The following WDTC1 variants were observed in gnomAD, a reference collection of about 807,000 sequenced individuals.
WDTC1 encodes the protein WD and tetratricopeptide repeats protein 1.
WDTC1 carries 12 observed loss-of-function variants against 76.0 expected under a neutral mutation model. The ratio of observed to expected loss-of-function variants is 0.16; its 90% CI spans 0.10 to 0.26. WDTC1 has a LOEUF of 0.26. Among genes scored for constraint, WDTC1 ranks in the 10% least tolerant of loss-of-function variants. WDTC1 has a pLI of 1.00. For synonymous variants in WDTC1, 326 were observed against 350.8 expected (o/e 0.93, Z 0.79); for missense variants, 511 against 908.8 (o/e 0.56, Z 5.63).
chr1:27,303,481 C>G lies in WDTC1; in HGVS notation c.1469-140C>G, dbSNP rs184548367. 9.2e-7 allele frequency: 1 copy of G among 1,086,024 alleles called. No homozygotes were observed. Among genetic ancestry groups the G allele is most frequent in the East Asian group, 3.1e-5 (1 of 32,656 alleles). The allele number at this position is 1,086,024 out of a possible 1,614,324, so 67.3% of individuals were successfully genotyped here. ...AGATGCATCTTCCTCACAACCTTTC[C>G]CCAGTTTTCCAGGATAAGGGTGGAG... On this transcript the variant is annotated intron_variant, in intron 13 of 15. Transcript: ENST00000319394. The surrounding 1 kb of genome is among the most constrained non-coding windows in gnomAD (Gnocchi z 4.8).
At chr1:27,273,129 T>C (rs1167845140) in intron 3 of WDTC1, among the ~76,000 whole-genome samples, 1 of 151,374 alleles carries the variant, frequency 6.6e-6, no homozygotes, top group Non-Finnish European at 1.5e-5. Flanking sequence ...AATTTCAGTG[T>C]CATAGGAAAC....
chr1:27,301,492 ACTCTTT>A lies in WDTC1; in HGVS notation c.1468+38_1468+43del. On this transcript the variant is annotated intron_variant, in intron 13 of 15. Transcript: ENST00000319394. This position sits in a 1 kb window ranked among gnomAD's most constrained non-coding sequence, Gnocchi z 5.8. ...TGGGCACTGAGGAGGGGGTGCTGTT[ACTCTTT>A]CTCTTTGAGATGCTGCATGACATTC... 1.2e-6 allele frequency: 2 copies of A among 1,601,238 alleles called. No individual in the cohort carries two copies. Among genetic ancestry groups the A allele is most frequent in the East Asian group, 2.2e-5 (1 of 44,756 alleles).
At chr1:27,256,998 G>A (rs1405462545) in intron 1 of WDTC1, among the ~76,000 whole-genome samples, 2 of 152,062 alleles carry the variant, frequency 1.3e-5, no homozygotes, top group African/African-American at 2.4e-5. Flanking sequence ...GAGTAGCTGG[G>A]ACTACAGGCG....
At chr1:27,294,226 TCAGA>T (rs1463376687) in intron 8 of WDTC1, 110 bp downstream of exon 8, 3 of 1,165,820 alleles carry the variant, frequency 2.6e-6, no homozygotes, top group Non-Finnish European at 3.6e-6. Context: ...GGTTTTAGAG[TCAGA>T]CAGACCTGAG....
chr1:27,267,433 G>A (rs1046816819), intron 3 of WDTC1, among the ~76,000 whole-genome samples: 2 of 151,886 alleles, frequency 1.3e-5, no homozygotes, highest in Admixed American at 1.3e-4. Context: ...TGCTAGAGAT[G>A]GAGTTTCGCC....
chr1:27,292,875 C>A (rs2013575875), intron 7 of WDTC1, among the ~76,000 whole-genome samples: 1 of 148,930 alleles, frequency 6.7e-6, no homozygotes, highest in Non-Finnish European at 1.5e-5. Context: ...TGTTGTCCTG[C>A]CGAGTAGCTG....
chr1:27,275,629 A>AT (rs1168446860), intron 3 of WDTC1, among the ~76,000 whole-genome samples: 3 of 151,860 alleles, frequency 2.0e-5, no homozygotes, highest in Non-Finnish European at 2.9e-5. Context: ...AAAAAAAAAA[A>AT]AAAATAAAGA....
chr1:27,305,173 C>G lies in WDTC1; in HGVS notation c.1816C>G (p.Leu606Val). 1 of 1,613,840 alleles carries G rather than the reference C, an allele frequency of 6.2e-7. No homozygotes were observed. Reference sequence around the variant, plus strand: ...CAGTGGCATCGATCCTGTTGTGCGGCTCTGGAACCCCCGACCAGAGGTGAG... The same window carrying G: ...CAGTGGCATCGATCCTGTTGTGCGGGTCTGGAACCCCCGACCAGAGGTGAG... ...ATSGIDPVVRLWNPRPESEDL... is the reference protein window; with the variant it reads ...ATSGIDPVVRVWNPRPESEDL... The change falls in exon 15 of 16, where the codon CTC (leucine) becomes GTC (valine). Residue 606 changes from leucine (L) to valine (V), a missense_variant. Physicochemically the swap from Leu to Val is conservative, Grantham distance 32. Coordinates refer to ENST00000319394, the MANE Select transcript of WDTC1 (RefSeq NM_001276252.2). The surrounding 1 kb of genome is among the most constrained non-coding windows in gnomAD (Gnocchi z 4.6).
intron 1 of WDTC1, among the ~76,000 whole-genome samples, chr1:27,258,047 C>A (rs1039791180): frequency 4.6e-5 from 7 of 151,920 alleles, no homozygotes; most frequent in Admixed American, 4.6e-4. Flanking sequence ...CCTCGGCCTC[C>A]CAAAGTGCTG....
At chr1:27,294,685 G>A in intron 9 of WDTC1, 56 bp downstream of exon 9, 1 of 1,495,886 alleles carries the variant, frequency 6.7e-7, no homozygotes, top group Non-Finnish European at 9.3e-7. Flanking sequence ...CAGCAGCCAG[G>A]GGCATGTACC....
intron 3 of WDTC1, among the ~76,000 whole-genome samples, chr1:27,264,545 G>C (rs1463135703): frequency 6.6e-6 from 1 of 152,042 alleles, no homozygotes; most frequent in Non-Finnish European, 1.5e-5. Flanking sequence ...CAGAAATTCA[G>C]CTTTTTCATT....
At chr1:27,258,960 T>C (rs964157786) in intron 1 of WDTC1, among the ~76,000 whole-genome samples, 7 of 152,156 alleles carry the variant, frequency 4.6e-5, no homozygotes, top group Admixed American at 4.6e-4. Flanking sequence ...AGACTAAACT[T>C]CTGTGTGGCT....
At chr1:27,278,434 A>C (rs2013092057) in intron 3 of WDTC1, among the ~76,000 whole-genome samples, 1 of 152,222 alleles carries the variant, frequency 6.6e-6, no homozygotes, top group South Asian at 2.1e-4. Flanking sequence ...TTTCAAGCAA[A>C]TATTGAATGC....
In WDTC1 at chr1:27,308,286, C is replaced by G. The variant is rs1413304570; in HGVS notation, c.*1903C>G. 1 of 152,232 alleles carries G rather than the reference C, an allele frequency of 6.6e-6. No homozygotes were observed. Among genetic ancestry groups the G allele is most frequent in the Admixed American group, 6.5e-5 (1 of 15,274 alleles). 9.4% of individuals were successfully genotyped at this position (152,232 alleles called of 1,614,324 possible). ...TGTGGGGTGCAGATGGGTCTTGGAA[C>G]CAAAGTGAGGGCACCTGGTCCCTCA... On this transcript the variant is annotated 3_prime_UTR_variant, in exon 16 of 16. Transcript: ENST00000319394.
chr1:27,269,690 C>T (rs534268460), intron 3 of WDTC1, among the ~76,000 whole-genome samples: 153 of 133,746 alleles, frequency 1.1e-3, no homozygotes, highest in African/African-American at 3.8e-3. Flanking sequence ...TCTTGGCTTA[C>T]TGCAACCTCC....
At chr1:27,287,596 G>A in intron 5 of WDTC1, 78 bp from the exon 6 acceptor site, 1 of 1,458,834 alleles carries the variant, frequency 6.9e-7, no homozygotes, top group South Asian at 1.3e-5. Context: ...AGAAAAGGGT[G>A]CAGACATCCA....
chr1:27,298,639 G>A (rs2013753458), intron 12 of WDTC1, among the ~76,000 whole-genome samples: 1 of 152,144 alleles, frequency 6.6e-6, no homozygotes, highest in Admixed American at 6.6e-5. Flanking sequence ...GCTAGGGTAT[G>A]GTGGCTGGTA....
intron 1 of WDTC1, among the ~76,000 whole-genome samples, chr1:27,259,868 AAAAG>A (rs1432771460): frequency 1.3e-5 from 2 of 151,724 alleles, no homozygotes; most frequent in African/African-American, 4.8e-5. Flanking sequence ...AAAAAAAAAA[AAAAG>A]AGAGAAAAGA....
In WDTC1 at chr1:27,234,738, C is replaced by G; in HGVS notation, c.-313C>G. ...GAGGGAGTGTGAGTGTGTGTGAGCG[C>G]GGGTGTGAGGCGGTGCGCAGGGGCG... On this transcript the variant is annotated 5_prime_UTR_variant, in exon 1 of 16. Transcript: ENST00000319394. 2.5e-6 allele frequency: 1 copy of G among 398,822 alleles called. No individual in the cohort carries two copies. The highest frequency in any genetic ancestry group is 4.4e-6 in the Non-Finnish European group (1 of 226,560). 24.7% of individuals were successfully genotyped at this position (398,822 alleles called of 1,614,324 possible).
Sources: gnomAD v4.1 joint callset for allele counts (sites outside exome capture counted in the v4.1 genomes callset) on GRCh38, gnomAD v4.1.1 for gene constraint, Gnocchi (gnomAD v3.1) non-coding constraint, MANE v1.5 for transcripts, NCBI Gene and HGNC (gene_info 2026-07-23, HGNC 2026-07-21) for gene names.